PLOD2: variants seen among roughly 807,000 people sequenced by gnomAD.
PLOD2 encodes the protein procollagen-lysine,2-oxoglutarate 5-dioxygenase 2.
PLOD2 carries 65 observed loss-of-function variants against 101.0 expected under a neutral mutation model. That is an observed-to-expected ratio of 0.64 (90% CI 0.53 to 0.79). The LOEUF (loss-of-function observed/expected upper bound fraction) is 0.79, where lower values mean the gene tolerates loss of function less well. Among genes scored for constraint, PLOD2 ranks in the 30% least tolerant of loss-of-function variants. PLOD2 has a pLI of 0.00. For synonymous variants in PLOD2, 314 were observed against 302.9 expected, an observed-to-expected ratio of 1.04 and a Z score of -0.38; for missense variants, 909 against 914.6, an observed-to-expected ratio of 0.99 and a Z score of 0.08.
Position 146,104,349 on chromosome 3 carries a change from CATA to C in PLOD2, c.616-10_616-8del. On this transcript the variant is annotated splice_polypyrimidine_tract_variant and splice_region_variant and intron_variant, in intron 5 of 19. Coordinates refer to ENST00000282903, the MANE Select transcript of PLOD2 (RefSeq NM_182943.3). ...ATGTGATGTTAATAGCTTCCTAAAA[CATA>C]AGAATAGAAATGATATTGAAAATGA... 7.0e-7 allele frequency: 1 copy of C among 1,422,148 alleles called. No individual in the cohort carries two copies. Among genetic ancestry groups the C allele is most frequent in the Non-Finnish European group, 9.9e-7 (1 of 1,005,470 alleles). The allele number at this position is 1,422,148 out of a possible 1,614,324, so 88.1% of individuals were successfully genotyped here.
intron 3 of PLOD2, among the ~76,000 whole-genome samples, chr3:146,111,219 A>T (rs905368391): frequency 6.6e-6 from 1 of 152,162 alleles, no homozygotes; most frequent in African/African-American, 2.4e-5. Context: ...CATTACAATC[A>T]CAAATTATTT....
intron 3 of PLOD2, 78 bp downstream of exon 3, chr3:146,121,034 T>C (rs1235376584): frequency 1.7e-6 from 2 of 1,175,012 alleles, no homozygotes; most frequent in Non-Finnish European, 1.3e-6. Flanking sequence ...TTTTAATACA[T>C]CATCTACAAA....
At chr3:146,153,378 C>A (rs964508024) in intron 1 of PLOD2, among the ~76,000 whole-genome samples, 2 of 152,078 alleles carry the variant, frequency 1.3e-5, no homozygotes, top group African/African-American at 2.4e-5. Context: ...GTTTAAAGAA[C>A]CTGTTAGAGA....
At chr3:146,073,508 T>C in intron 15 of PLOD2, 156 bp from the exon 16 acceptor site, 1 of 351,446 alleles carries the variant, frequency 2.8e-6, no homozygotes, top group Admixed American at 4.8e-5. Flanking sequence ...AGCCTAATCT[T>C]TGCCTGGTTC....
chr3:146,150,856 T>C (rs1175813173), intron 1 of PLOD2, among the ~76,000 whole-genome samples: 1 of 152,234 alleles, frequency 6.6e-6, no homozygotes, highest in Non-Finnish European at 1.5e-5. Context: ...CTGAAGAGGA[T>C]ACGGTTCCTC....
chr3:146,106,728 C>T, intron 4 of PLOD2, 84 bp from the exon 5 acceptor site: 1 of 784,396 alleles, frequency 1.3e-6, no homozygotes, highest in Admixed American at 1.7e-5. Flanking sequence ...ACCAGTTGAA[C>T]AGAGTTGTGA....
chr3:146,129,416 A>G (rs1428153101), intron 1 of PLOD2, among the ~76,000 whole-genome samples: 4 of 152,314 alleles, frequency 2.6e-5, no homozygotes, highest in Non-Finnish European at 5.9e-5. Context: ...CTACTTATCC[A>G]TATAGTTGGC....
chr3:146,078,907 A>C (rs1936431967), intron 13 of PLOD2, among the ~76,000 whole-genome samples: 1 of 151,958 alleles, frequency 6.6e-6, no homozygotes, highest in African/African-American at 2.4e-5. Context: ...TAGCCCGAGC[A>C]CAAAAACTAA....
chr3:146,113,678 G>C (rs764946778), intron 3 of PLOD2, among the ~76,000 whole-genome samples: 1 of 151,962 alleles, frequency 6.6e-6, no homozygotes, highest in African/African-American at 2.4e-5. Flanking sequence ...CGTCATCTTC[G>C]TAAGCTGAGG....
At chr3:146,122,353 C>G (rs1297940483) in intron 2 of PLOD2, among the ~76,000 whole-genome samples, 1 of 152,162 alleles carries the variant, frequency 6.6e-6, no homozygotes, top group East Asian at 1.9e-4. Context: ...GTTCCACAAC[C>G]CATCTGGAAT....
intron 1 of PLOD2, among the ~76,000 whole-genome samples, chr3:146,148,338 G>GCACGCA (rs1553742438): frequency 0.081 from 11,927 of 146,458 alleles, 606 homozygotes; most frequent in Non-Finnish European, 0.12. Context: ...AGGCAGGCAC[G>GCACGCA]CACACACACA....
chr3:146,159,062 G>C (rs866135022), intron 1 of PLOD2, among the ~76,000 whole-genome samples: 1 of 152,152 alleles, frequency 6.6e-6, no homozygotes, highest in Non-Finnish European at 1.5e-5. Context: ...ACATTTATTA[G>C]TTTATCACAT....
intron 8 of PLOD2, among the ~76,000 whole-genome samples, chr3:146,091,542 T>A (rs1982381): frequency 6.6e-6 from 1 of 151,796 alleles, no homozygotes. Flanking sequence ...ACAAGAGCAC[T>A]CAATCGTAGT....
At chr3:146,119,220 A>G (rs1006942678) in intron 3 of PLOD2, among the ~76,000 whole-genome samples, 2 of 152,086 alleles carry the variant, frequency 1.3e-5, no homozygotes, top group East Asian at 1.9e-4. Context: ...TGCTCCAATC[A>G]TGTGAGACCT....
intron 1 of PLOD2, among the ~76,000 whole-genome samples, chr3:146,153,582 G>A (rs1252373615): frequency 1.3e-5 from 2 of 152,142 alleles, no homozygotes; most frequent in African/African-American, 4.8e-5. Context: ...AGCTTCTGGA[G>A]CTTTTCTTCT....
intron 12 of PLOD2, among the ~76,000 whole-genome samples, chr3:146,081,259 A>C (rs930780998): frequency 2.0e-5 from 3 of 152,114 alleles, no homozygotes; most frequent in African/African-American, 7.2e-5. Context: ...GGTAAAAAAA[A>C]CTTGTATTTA....
At position 146,124,155 on chromosome 3, in the gene PLOD2, A is replaced by T; in HGVS notation, c.184T>A (p.Phe62Ile). Reference protein sequence around the residue: ...FHRFMQSAKYFNYTVKVLGQG... With the variant: ...FHRFMQSAKYINYTVKVLGQG... The stretch of plus-strand genomic sequence containing the variant: ...TACCATACCTTCACAGTATAATTGA[A>T]ATATTTGGCTGACTGCATAAATCGA... Residue 62 changes from phenylalanine (F) to isoleucine (I), a missense_variant, in exon 2 of 20, where the codon TTC becomes ATC. Coordinates refer to ENST00000282903, the MANE Select transcript of PLOD2 (RefSeq NM_182943.3). The T allele has an allele frequency of 6.4e-7, 1 of 1,567,964 alleles. No individual in the cohort carries two copies. The highest frequency in any genetic ancestry group is 8.8e-7 in the Non-Finnish European group (1 of 1,138,912).
intron 4 of PLOD2, 69 bp from the exon 5 acceptor site, chr3:146,106,713 C>T (rs1251686871): frequency 2.4e-6 from 2 of 822,018 alleles, no homozygotes; most frequent in Non-Finnish European, 4.4e-6. Context: ...ATGTTAATTT[C>T]ACTGACCAGT....
intron 7 of PLOD2, among the ~76,000 whole-genome samples, chr3:146,101,360 G>A (rs1455238343): frequency 6.6e-6 from 1 of 152,170 alleles, no homozygotes; most frequent in Non-Finnish European, 1.5e-5. Flanking sequence ...AAACTGAGCT[G>A]TAAAATTTTT....
Sources: gnomAD v4.1 joint callset for allele counts (sites outside exome capture counted in the v4.1 genomes callset) on GRCh38, gnomAD v4.1.1 for gene constraint, MANE v1.5 for transcripts, NCBI Gene and HGNC (gene_info 2026-07-23, HGNC 2026-07-21) for gene names.